ATXN1: variants seen among roughly 807,000 people sequenced by gnomAD.
ATXN1 encodes the protein ataxin 1, also known as ataxin-1.
Under a neutral mutation model 56.4 loss-of-function variants are expected in ATXN1, and 8 were observed. The observed-to-expected ratio is 0.14, with a 90% CI of 0.08 to 0.26. The LOEUF (loss-of-function observed/expected upper bound fraction) is 0.26. ATXN1 is among the 10% of genes least tolerant of loss of function. The probability of loss-of-function intolerance (pLI) is 1.00; values close to 1 mark genes in which losing one functional copy is unlikely to be tolerated. For synonymous variants in ATXN1, 514 were observed against 494.6 expected (o/e 1.04, Z -0.52); for missense variants, 987 against 1,106.5 (o/e 0.89, Z 1.53).
intron 4 of ATXN1, among the ~76,000 whole-genome samples, chr6:16,555,511 C>T (rs1761994563): frequency 6.6e-6 from 1 of 152,128 alleles, no homozygotes; most frequent in Admixed American, 6.5e-5. Context: ...AAGGCAGACT[C>T]GCCTAAGACA....
chr6:16,548,487 A>G (rs1156350150), intron 4 of ATXN1, among the ~76,000 whole-genome samples: 1 of 152,260 alleles, frequency 6.6e-6, no homozygotes, highest in African/African-American at 2.4e-5. Context: ...CACATTATTT[A>G]AAACTTTTCG....
At chr6:16,446,558 T>C (rs1179319795) in intron 6 of ATXN1, among the ~76,000 whole-genome samples, 1 of 152,228 alleles carries the variant, frequency 6.6e-6, no homozygotes, top group African/African-American at 2.4e-5. Context: ...AACTGTATTT[T>C]ACATACAGTA....
In ATXN1 at chr6:16,468,267, G is replaced by A. The variant is rs1404882834; in HGVS notation, c.-161+17705C>T. The stretch of plus-strand genomic sequence containing the variant: ...GTGGCACGATCTTGGCTCACTGCAA[G>A]CTCCACTTCCCAGGTTCACGCCATT... On this transcript the variant is annotated intron_variant, in intron 6 of 7. Transcript: ENST00000436367. 2.6e-5 allele frequency among the ~76,000 whole-genome samples: 4 copies of A among 152,242 alleles called. No individual in the cohort carries two copies. The East Asian group carries it at 7.7e-4, about 29-fold the overall frequency.
In ATXN1 at chr6:16,327,809, G is replaced by C. The variant is rs755520861; in HGVS notation, c.502C>G (p.Pro168Ala). 3.7e-6 allele frequency: 6 copies of C among 1,609,906 alleles called. No individual in the cohort carries two copies. The highest frequency in any genetic ancestry group is 2.2e-5 in the South Asian group (2 of 91,078). The change falls in exon 7 of 8, where the codon CCA becomes GCA. Residue 168 changes from proline to alanine, a missense_variant. By Grantham distance (27) the Pro-to-Ala change is conservative. This residue lies in a region of ATXN1 where 723 missense variants were observed against 791.7 expected (regional missense o/e 0.91). Coordinates refer to ENST00000436367, the MANE Select transcript of ATXN1 (RefSeq NM_001128164.2). ...GCCTCCAGCTGGGAGCGCTGGGATG[G>C]AGTGGTGGCCCCTGCGGCCGAGGCC... ...AVASAAGATTPSQRSQLEAYS... is the reference protein window; with the variant it reads ...AVASAAGATTASQRSQLEAYS...
intron 2 of ATXN1, among the ~76,000 whole-genome samples, chr6:16,717,695 T>C (rs1353742595): frequency 1.3e-5 from 2 of 152,212 alleles, no homozygotes; most frequent in South Asian, 2.1e-4. Context: ...TCTGAGGATA[T>C]GCTGGCATCA....
intron 4 of ATXN1, among the ~76,000 whole-genome samples, chr6:16,572,886 C>A (rs141265668): frequency 6.6e-6 from 1 of 152,188 alleles, no homozygotes; most frequent in Non-Finnish European, 1.5e-5. Context: ...CATCCTCTAT[C>A]TTGGCAGAGT....
chr6:16,299,549 T>C lies in ATXN1; in HGVS notation c.*6780A>G, dbSNP rs886815971. 1 of 152,688 alleles carries C rather than the reference T, an allele frequency of 6.5e-6. No individual in the cohort carries two copies. Among genetic ancestry groups the C allele is most frequent in the Non-Finnish European group, 1.5e-5 (1 of 68,054 alleles). 9.5% of individuals were successfully genotyped at this position (152,688 alleles called of 1,614,324 possible). A position where few individuals can be genotyped will look rare whatever the true frequency, so the allele number is the denominator to read the frequency against. ...AACATCATTCCTTCCCTAGTTCTCCTCTGTACTGGCCATGTCAGTCTGGTA... is the reference window on the plus strand; with the variant it reads ...AACATCATTCCTTCCCTAGTTCTCCCCTGTACTGGCCATGTCAGTCTGGTA... On this transcript the variant is annotated 3_prime_UTR_variant, in exon 8 of 8. Coordinates refer to ENST00000436367, the MANE Select transcript of ATXN1 (RefSeq NM_001128164.2).
At chr6:16,353,888 G>A (rs1464082424) in intron 6 of ATXN1, among the ~76,000 whole-genome samples, 1 of 152,182 alleles carries the variant, frequency 6.6e-6, no homozygotes, top group Non-Finnish European at 1.5e-5. Context: ...CACATCCTCT[G>A]TAGTTTCCCA....
intron 6 of ATXN1, among the ~76,000 whole-genome samples, chr6:16,331,778 A>G (rs1163386671): frequency 6.6e-6 from 1 of 152,226 alleles, no homozygotes; most frequent in Non-Finnish European, 1.5e-5. Flanking sequence ...TTGAATGCAC[A>G]ATACACAAAA....
intron 6 of ATXN1, among the ~76,000 whole-genome samples, chr6:16,462,480 C>T (rs1760019140): frequency 6.6e-6 from 1 of 152,206 alleles, no homozygotes; most frequent in Non-Finnish European, 1.5e-5. Context: ...ATCTTTAACA[C>T]CACTCCTTGC....
chr6:16,723,494 T>C (rs1166684533), intron 2 of ATXN1, among the ~76,000 whole-genome samples: 3 of 152,198 alleles, frequency 2.0e-5, no homozygotes. Context: ...CAATCTTTTA[T>C]AGATAAAATC....
intron 6 of ATXN1, among the ~76,000 whole-genome samples, chr6:16,442,842 T>C (rs1759545796): frequency 6.6e-6 from 1 of 152,126 alleles, no homozygotes; most frequent in South Asian, 2.1e-4. Flanking sequence ...CAAAACCCCG[T>C]CTCTACCAAA....
intron 2 of ATXN1, among the ~76,000 whole-genome samples, chr6:16,709,508 T>C (rs979224342): frequency 6.6e-6 from 1 of 151,990 alleles, no homozygotes; most frequent in Non-Finnish European, 1.5e-5. Context: ...TTAAAATGCA[T>C]AGAATTGTAC....
chr6:16,333,752 G>A (rs762938819), intron 6 of ATXN1, among the ~76,000 whole-genome samples: 1 of 152,198 alleles, frequency 6.6e-6, no homozygotes, highest in African/African-American at 2.4e-5. Flanking sequence ...TGAGGACAGA[G>A]GTTACTTGGG....
chr6:16,318,171 C>T (rs918041901), intron 7 of ATXN1, among the ~76,000 whole-genome samples: 2 of 152,124 alleles, frequency 1.3e-5, no homozygotes, highest in Non-Finnish European at 2.9e-5. Context: ...GAAAACAAAA[C>T]GTCTGTTGTT....
chr6:16,673,870 T>C (rs543683708), intron 2 of ATXN1, among the ~76,000 whole-genome samples: 8 of 152,140 alleles, frequency 5.3e-5, no homozygotes, highest in Non-Finnish European at 1.2e-4. Flanking sequence ...GATGCCAGTA[T>C]TGCTACCTTG....
At chr6:16,372,253 A>G (rs1762054282) in intron 6 of ATXN1, among the ~76,000 whole-genome samples, 1 of 152,198 alleles carries the variant, frequency 6.6e-6, no homozygotes, top group Non-Finnish European at 1.5e-5. Flanking sequence ...CCTTGGTCTC[A>G]CCAGACCCAG....
At chr6:16,416,198 T>C (rs1758903105) in intron 6 of ATXN1, among the ~76,000 whole-genome samples, 1 of 152,054 alleles carries the variant, frequency 6.6e-6, no homozygotes, top group African/African-American at 2.4e-5. Context: ...GTCTATGAAT[T>C]GGAAAAAAAA....
intron 6 of ATXN1, among the ~76,000 whole-genome samples, chr6:16,411,574 T>G (rs1758801864): frequency 1.3e-5 from 2 of 152,092 alleles, no homozygotes; most frequent in African/African-American, 4.8e-5. Flanking sequence ...AAAATCTCCC[T>G]GGCTGCATCA....
Sources: allele counts gnomAD v4.1 joint callset (sites outside exome capture counted in the v4.1 genomes callset), GRCh38; gene constraint gnomAD v4.1.1; regional missense constraint gnomAD v4.1.1; transcripts MANE v1.5; gene names NCBI Gene and HGNC (gene_info 2026-07-23, HGNC 2026-07-21).